The following ANXA1 variants were observed in gnomAD, a reference collection of about 807,000 sequenced individuals.
ANXA1 encodes the protein annexin I (lipocortin I).
A neutral mutation model predicts 47.9 loss-of-function variants in ANXA1; 39 were observed. The observed-to-expected ratio is 0.81, with a 90% CI of 0.63 to 1.06. The LOEUF (loss-of-function observed/expected upper bound fraction) is 1.06, where lower values mean the gene tolerates loss of function less well. ANXA1 is among the 50% of genes least tolerant of loss of function. The probability of loss-of-function intolerance (pLI) is 0.00; values close to 1 mark genes in which losing one functional copy is unlikely to be tolerated. For missense variants in ANXA1, 446 were observed against 422.7 expected (o/e 1.06, Z -0.48); for synonymous variants, 146 against 142.5 (o/e 1.02, Z -0.17).
chr9:73,160,098 A>T (rs1264858004), intron 4 of ANXA1, among the ~76,000 whole-genome samples, 165 bp from the exon 5 acceptor site: 1 of 152,168 alleles, frequency 6.6e-6, no homozygotes, highest in African/African-American at 2.4e-5. Context: ...GGGTAAGATA[A>T]TGTTTCAAAA....
At chr9:73,167,871 T>G in intron 11 of ANXA1, 1 of 250,768 alleles carries the variant, frequency 4.0e-6, no homozygotes, top group Non-Finnish European at 7.7e-6. Context: ...AGTGGCCTAC[T>G]TCCTCTAAGG....
intron 11 of ANXA1, 127 bp downstream of exon 11, chr9:73,167,682 T>C (rs1824256266): frequency 1.1e-6 from 1 of 910,540 alleles, no homozygotes; most frequent in Admixed American, 2.6e-5. Context: ...ATTGTTCTAT[T>C]TGATGAAAGA....
chr9:73,157,870 CAAAA>C (rs1009683984), intron 1 of ANXA1: 26 of 152,110 alleles, frequency 1.7e-4, no homozygotes, highest in African/African-American at 6.0e-4. Context: ...AACAAACAAA[CAAAA>C]AGAAACCCAT....
chr9:73,165,401 A>T (rs567519716), intron 9 of ANXA1, 192 bp downstream of exon 9: 2 of 455,654 alleles, frequency 4.4e-6, no homozygotes, highest in African/African-American at 4.0e-5. Context: ...ATCATATTTA[A>T]TACATTTTGT....
chr9:73,154,153 T>G, intron 1 of ANXA1: 1 of 395,456 alleles, frequency 2.5e-6, no homozygotes, highest in Non-Finnish European at 4.6e-6. Context: ...AATTGCTTTC[T>G]GTAAGTCATG....
intron 9 of ANXA1, 81 bp from the exon 10 acceptor site, chr9:73,166,016 G>C (rs1331324898): frequency 8.7e-6 from 9 of 1,031,024 alleles, no homozygotes; most frequent in Non-Finnish European, 1.3e-5. Context: ...AAAATTCTTT[G>C]AGTCAGTTGC....
Position 73,165,116 on chromosome 9 carries a change from GC to G in ANXA1, c.615del (p.Leu206CysfsTer13). 6.2e-7 allele frequency: 1 copy of G among 1,611,804 alleles called. No individual in the cohort carries two copies. The highest frequency in any genetic ancestry group is 1.7e-5 in the Admixed American group (1 of 59,862). On this transcript the variant is annotated frameshift_variant and splice_region_variant, in exon 9 of 13. Transcript: ENST00000257497. LOFTEE classifies it high-confidence loss of function. ...NEDLADSDARALYEAGERRKG... is the reference protein window; with the variant it reads ...NEDLADSDARXLYEAGERRKG... ...TGTTTACTTTTGTGTTTCTTGACAG[GC>G]CTTGTATGAAGCAGGAGAAAGGAGA... is the stretch of plus-strand genomic sequence containing the variant.
chr9:73,163,378 T>C, intron 7 of ANXA1, 98 bp from the exon 8 acceptor site: 1 of 1,253,368 alleles, frequency 8.0e-7, no homozygotes, highest in Non-Finnish European at 1.1e-6. Flanking sequence ...GAATACCTTT[T>C]TCTCAAAAAA....
chr9:73,156,828 C>T (rs112273102), intron 1 of ANXA1, among the ~76,000 whole-genome samples: 146 of 152,268 alleles, frequency 9.6e-4, no homozygotes, highest in African/African-American at 3.3e-3. Context: ...AGGGGTGAAA[C>T]AGAATGGTGT....
At chr9:73,168,950 A>G in intron 11 of ANXA1, 82 bp from the exon 12 acceptor site, 1 of 1,392,036 alleles carries the variant, frequency 7.2e-7, no homozygotes, top group Non-Finnish European at 9.8e-7. Context: ...TGGAAGAGTA[A>G]GAAGGCTTCA....
rs192844547 is a variant in ANXA1 at position 73,160,756 on chromosome 9, A to T, written c.385-47A>T. 1.4e-4 allele frequency: 199 copies of T among 1,447,464 alleles called. No individual in the cohort carries two copies. The African/African-American group carries it at 2.6e-3, about 19-fold the overall frequency. The allele number at this position is 1,447,464 out of a possible 1,614,324, so 89.7% of individuals were successfully genotyped here. ...ACCAAAAACTCATTGATCCTCTTGC[A>T]TGAAGATTTTTTTCTACATTTATCC... On this transcript the variant is annotated intron_variant, in intron 5 of 12. Coordinates refer to ENST00000257497, the MANE Select transcript of ANXA1 (RefSeq NM_000700.3).
chr9:73,165,532 C>CA (rs111672053), intron 9 of ANXA1: 4,626 of 108,500 alleles, frequency 0.043, 82 homozygotes, highest in African/African-American at 0.067. Context: ...TGAAGAAAAA[C>CA]AAAAAAAAAA....
At position 73,169,169 on chromosome 9, in the gene ANXA1, C is replaced by G. The variant is rs769632738; in HGVS notation, c.984+15C>G. 5.0e-6 allele frequency: 8 copies of G among 1,586,106 alleles called. No individual in the cohort carries two copies. The South Asian group carries it at 9.3e-5, about 18-fold the overall frequency. On this transcript the variant is annotated intron_variant, in intron 12 of 12. Coordinates refer to ENST00000257497, the MANE Select transcript of ANXA1 (RefSeq NM_000700.3). ...AAGCCATCCTGGTATGTTTTGATTCCTCTAATGCCATCCCAACAAATGAAA... is the reference window on the plus strand; with the variant it reads ...AAGCCATCCTGGTATGTTTTGATTCGTCTAATGCCATCCCAACAAATGAAA...
At chr9:73,155,153 T>C (rs1273469865) in intron 1 of ANXA1, among the ~76,000 whole-genome samples, 1 of 152,200 alleles carries the variant, frequency 6.6e-6, no homozygotes, top group African/African-American at 2.4e-5. Context: ...AAAAAGACCA[T>C]TAATTAGAAG....
Position 73,159,431 on chromosome 9 carries a change from A to G in ANXA1, c.270+8A>G, listed in dbSNP as rs1471759042. The G allele has an allele frequency of 6.2e-7, 1 of 1,608,070 alleles. No individual in the cohort carries two copies. Among genetic ancestry groups the G allele is most frequent in the Admixed American group, 1.7e-5 (1 of 59,914 alleles). On this transcript the variant is annotated splice_region_variant and intron_variant, in intron 4 of 12. Transcript: ENST00000257497. ...CTCCAGGAAACAGGAAAGGTAAGTT[A>G]GAGTGGTAAATTTAGATATTTAATT...
intron 1 of ANXA1, among the ~76,000 whole-genome samples, chr9:73,156,560 G>A (rs1255238160): frequency 6.6e-6 from 1 of 152,184 alleles, no homozygotes; most frequent in East Asian, 1.9e-4. Context: ...AGTAATAAGA[G>A]CAATCCCATG....
chr9:73,155,420 G>A (rs1054270151), intron 1 of ANXA1, among the ~76,000 whole-genome samples: 1 of 152,182 alleles, frequency 6.6e-6, no homozygotes, highest in African/African-American at 2.4e-5. Context: ...GCTTAGGCAG[G>A]TTTTCATGCA....
chr9:73,162,940 G>T lies in ANXA1; in HGVS notation c.555+79G>T. On this transcript the variant is annotated intron_variant, in intron 7 of 12. Transcript: ENST00000257497. ...TAGTCCATTTTGTGTTGCTATAAGG[G>T]AATATCTGAGGCTAGGTAATTTTTA... 3 of 1,121,172 alleles carry T rather than the reference G, an allele frequency of 2.7e-6. No individual in the cohort carries two copies. In the South Asian group the frequency reaches 4.0e-5, roughly 15 times the overall value. 69.5% of individuals were successfully genotyped at this position (1,121,172 alleles called of 1,614,324 possible). A position where few individuals can be genotyped will look rare whatever the true frequency, so the allele number is the denominator to read the frequency against.
chr9:73,159,446 G>A, intron 4 of ANXA1, 23 bp downstream of exon 4: 1 of 1,594,238 alleles, frequency 6.3e-7, no homozygotes, highest in Non-Finnish European at 8.6e-7. Flanking sequence ...GGTAAATTTA[G>A]ATATTTAATT....
Sources: gnomAD v4.1 joint callset for allele counts (sites outside exome capture counted in the v4.1 genomes callset) on GRCh38, gnomAD v4.1.1 for gene constraint, MANE v1.5 for transcripts, NCBI Gene and HGNC (gene_info 2026-07-23, HGNC 2026-07-21) for gene names.